SEMA6D: variants seen among roughly 807,000 people sequenced by gnomAD.
The protein encoded by SEMA6D is semaphorin-6D.
In SEMA6D, 35 loss-of-function variants were observed where a neutral mutation model predicts 106.6. The ratio of observed to expected loss-of-function variants is 0.33; its 90% confidence interval spans 0.25 to 0.44. The LOEUF is 0.44. Ranked by LOEUF, SEMA6D falls within the 20% of genes least tolerant of loss-of-function variation. The probability of loss-of-function intolerance (pLI) is 1.00; values close to 1 mark genes in which losing one functional copy is unlikely to be tolerated. For missense variants in SEMA6D, 1,185 were observed against 1,345.9 expected, an observed-to-expected ratio of 0.88 and a Z score of 1.87; for synonymous variants, 499 against 487.7, an observed-to-expected ratio of 1.02 and a Z score of -0.31.
rs1475547204 is a variant in SEMA6D at position 47,535,686 on chromosome 15, A to C, written c.-87+65141A>C. 3.3e-5 allele frequency among the ~76,000 whole-genome samples: 5 copies of C among 152,002 alleles called. No individual in the cohort carries two copies. The East Asian group carries it at 7.7e-4, about 23-fold the overall frequency. ...GAAAGTGACAAAAATACAAAAAAAA[A>C]ATAAATTAAGACATAGATGAATGGT... is the stretch of plus-strand genomic sequence containing the variant. On this transcript the variant is annotated intron_variant, in intron 3 of 19. Coordinates refer to the SEMA6D transcript ENST00000558014.
intron 2 of SEMA6D, among the ~76,000 whole-genome samples, chr15:47,451,087 C>T (rs1211767579): frequency 1.3e-5 from 2 of 152,112 alleles, no homozygotes; most frequent in Non-Finnish European, 2.9e-5. Flanking sequence ...GAATGTGAGG[C>T]TTAAAAGCAG....
chr15:47,517,691 T>G (rs1311017306), intron 3 of SEMA6D, among the ~76,000 whole-genome samples: 1 of 152,178 alleles, frequency 6.6e-6, no homozygotes, highest in Non-Finnish European at 1.5e-5. Flanking sequence ...CTGCTGTATT[T>G]CCTTCATGCC....
intron 1 of SEMA6D, among the ~76,000 whole-genome samples, chr15:47,352,266 T>G (rs2038355312): frequency 6.6e-6 from 1 of 152,212 alleles, no homozygotes; most frequent in South Asian, 2.1e-4. Context: ...AGTTGAATAA[T>G]GGACTGATTT....
chr15:47,287,256 G>A (rs2035408448), intron 1 of SEMA6D, among the ~76,000 whole-genome samples: 1 of 152,196 alleles, frequency 6.6e-6, no homozygotes, highest in African/African-American at 2.4e-5. Context: ...CACTGGACAT[G>A]TAGTAAGAGC....
chr15:47,225,486 G>T (rs982746228), intron 1 of SEMA6D, among the ~76,000 whole-genome samples: 5 of 129,666 alleles, frequency 3.9e-5, no homozygotes, highest in African/African-American at 1.6e-4. Flanking sequence ...TCTTTGGCCC[G>T]TTTTTTAATC....
chr15:47,224,628 C>G (rs914392797), intron 1 of SEMA6D, among the ~76,000 whole-genome samples: 1 of 152,020 alleles, frequency 6.6e-6, no homozygotes, highest in Non-Finnish European at 1.5e-5. Context: ...TCATTTCATT[C>G]CAAGTCACCA....
intron 3 of SEMA6D, among the ~76,000 whole-genome samples, chr15:47,528,761 T>C (rs753096683): frequency 6.6e-5 from 10 of 152,322 alleles, no homozygotes; most frequent in Middle Eastern, 6.8e-3. Context: ...ATGTAGTTTT[T>C]ATCCTGGCTG....
chr15:47,741,053 G>A (rs2080781546), intron 1 of SEMA6D, among the ~76,000 whole-genome samples: 1 of 152,176 alleles, frequency 6.6e-6, no homozygotes, highest in East Asian at 1.9e-4. Flanking sequence ...TGATGCTTAT[G>A]TCTTAAAATA....
At chr15:47,698,727 A>G (rs892699467) in intron 4 of SEMA6D, among the ~76,000 whole-genome samples, 3 of 152,210 alleles carry the variant, frequency 2.0e-5, no homozygotes, top group Non-Finnish European at 4.4e-5. Flanking sequence ...GGCATAACTA[A>G]TTAATGATAA....
intron 1 of SEMA6D, chr15:47,272,837 A>T (rs1267517435): frequency 3.3e-5 from 5 of 152,372 alleles, no homozygotes; most frequent in Non-Finnish European, 5.9e-5. Context: ...AAGAATGGTG[A>T]TTTACCAGGC....
At chr15:47,726,626 G>C (rs1242473134) in intron 1 of SEMA6D, among the ~76,000 whole-genome samples, 1 of 152,170 alleles carries the variant, frequency 6.6e-6, no homozygotes, top group Non-Finnish European at 1.5e-5. Context: ...TCACCTCTTT[G>C]AGACTCATTT....
At chr15:47,710,890 C>G (rs1045014117) in intron 4 of SEMA6D, among the ~76,000 whole-genome samples, 1 of 152,164 alleles carries the variant, frequency 6.6e-6, no homozygotes, top group Non-Finnish European at 1.5e-5. Context: ...GCATATATCA[C>G]AATTCAAGCT....
At chr15:47,262,956 C>T (rs1265578313) in intron 1 of SEMA6D, among the ~76,000 whole-genome samples, 1 of 151,992 alleles carries the variant, frequency 6.6e-6, no homozygotes, top group Admixed American at 6.6e-5. Flanking sequence ...GAAAGGATTC[C>T]CTATTCAATA....
intron 2 of SEMA6D, among the ~76,000 whole-genome samples, chr15:47,441,672 T>C (rs545974407): frequency 7.9e-5 from 12 of 152,282 alleles, no homozygotes; most frequent in Admixed American, 7.2e-4. Context: ...AAATGTTTTA[T>C]GGAATCATAA....
intron 1 of SEMA6D, among the ~76,000 whole-genome samples, chr15:47,200,621 T>TAATGTAGTAAATTTA (rs1894659441): frequency 6.6e-6 from 1 of 152,204 alleles, no homozygotes. Flanking sequence ...GCTTTAAATT[T>TAATGTAGTAAATTTA]ATGTAGTAAA....
At chr15:47,670,509 G>A (rs2078117009) in intron 4 of SEMA6D, among the ~76,000 whole-genome samples, 2 of 152,200 alleles carry the variant, frequency 1.3e-5, no homozygotes, top group South Asian at 4.1e-4. Context: ...ACATGGGGGA[G>A]AATGCACATG....
chr15:47,625,125 G>T (rs1295984746), intron 4 of SEMA6D, among the ~76,000 whole-genome samples: 1 of 152,058 alleles, frequency 6.6e-6, no homozygotes, highest in Non-Finnish European at 1.5e-5. Flanking sequence ...ACCAAATGAA[G>T]TTAAGATTCT....
intron 4 of SEMA6D, among the ~76,000 whole-genome samples, chr15:47,679,461 A>G (rs1891115645): frequency 6.6e-6 from 1 of 152,108 alleles, no homozygotes; most frequent in African/African-American, 2.4e-5. Flanking sequence ...TTCCAAGTGG[A>G]TCTCTTCCAT....
chr15:47,297,448 T>TC (rs1430527521), intron 1 of SEMA6D, among the ~76,000 whole-genome samples: 8 of 151,898 alleles, frequency 5.3e-5, no homozygotes, highest in Non-Finnish European at 8.8e-5. Context: ...ATACTATTTC[T>TC]CCCCCCACAA....
Sources: gnomAD v4.1 joint callset for allele counts (sites outside exome capture counted in the v4.1 genomes callset) on GRCh38, gnomAD v4.1.1 for gene constraint, MANE v1.5 for transcripts, NCBI Gene and HGNC (gene_info 2026-07-23, HGNC 2026-07-21) for gene names.